Variants in DENND5B observed in about 807,000 individuals in gnomAD.
DENND5B encodes the protein DENN domain-containing protein 5B.
In DENND5B, 34 loss-of-function variants were observed where a neutral mutation model predicts 140.6. The observed-to-expected ratio is 0.24, with a 90% confidence interval of 0.18 to 0.32. The LOEUF (loss-of-function observed/expected upper bound fraction) is 0.32, where lower values mean the gene tolerates loss of function less well. Ranked by LOEUF, DENND5B falls within the 10% of genes least tolerant of loss-of-function variation. The probability of loss-of-function intolerance (pLI) is 1.00; values close to 1 mark genes in which losing one functional copy is unlikely to be tolerated. For synonymous variants in DENND5B, 551 were observed against 562.1 expected, an observed-to-expected ratio of 0.98 and a Z score of 0.28; for missense variants, 1,142 against 1,560.2, an observed-to-expected ratio of 0.73 and a Z score of 4.52.
Position 31,387,623 on chromosome 12 carries a change from T to C in DENND5B, c.3805A>G (p.Ile1269Val). 1 of 1,613,922 alleles carries C rather than the reference T, an allele frequency of 6.2e-7. No homozygotes were observed. Among genetic ancestry groups the C allele is most frequent in the Admixed American group, 1.7e-5 (1 of 60,014 alleles). The change falls in exon 21 of 21, where the codon ATC becomes GTC. Residue 1269 changes from isoleucine to valine, a missense_variant. Coordinates refer to ENST00000389082, the MANE Select transcript of DENND5B (RefSeq NM_144973.4). ...TTGGGTTACACATCCACTCCTTTGA[T>C]GAGTGATCCTTCTAGGACTATGGTG... ...DFTIVLEGSL[I>V]KGVDV
intron 1 of DENND5B, among the ~76,000 whole-genome samples, chr12:31,556,841 TAAAAA>T (rs1949303327): frequency 6.6e-6 from 1 of 151,902 alleles, no homozygotes; most frequent in African/African-American, 2.4e-5. Flanking sequence ...GCAATATGAT[TAAAAA>T]AAAGAAATAT....
chr12:31,440,112 T>C (rs1448783504), intron 7 of DENND5B, among the ~76,000 whole-genome samples: 2 of 152,158 alleles, frequency 1.3e-5, no homozygotes, highest in East Asian at 3.8e-4. Context: ...AAAAATAGAA[T>C]ATTGTATCTA....
At chr12:31,568,051 A>G (rs1293006360) in intron 1 of DENND5B, among the ~76,000 whole-genome samples, 2 of 152,170 alleles carry the variant, frequency 1.3e-5, no homozygotes, top group African/African-American at 4.8e-5. Flanking sequence ...GCATTCAACA[A>G]GTAGAGAATA....
chr12:31,586,004 A>G (rs1338491540), intron 1 of DENND5B, among the ~76,000 whole-genome samples: 1 of 152,222 alleles, frequency 6.6e-6, no homozygotes, highest in Non-Finnish European at 1.5e-5. Flanking sequence ...TGTACTGTAT[A>G]TAAGGTACTA....
chr12:31,442,355 C>T (rs1465177139), intron 7 of DENND5B, among the ~76,000 whole-genome samples: 1 of 152,154 alleles, frequency 6.6e-6, no homozygotes, highest in Non-Finnish European at 1.5e-5. Context: ...CAAATTTCTA[C>T]CCCCCAAAAC....
At chr12:31,495,769 A>C in intron 2 of DENND5B, 41 bp downstream of exon 2, 1 of 1,427,730 alleles carries the variant, frequency 7.0e-7, no homozygotes, top group African/African-American at 1.4e-5. Flanking sequence ...ATAAAGTGAA[A>C]ACAAGGCTAA....
intron 1 of DENND5B, among the ~76,000 whole-genome samples, chr12:31,587,146 C>T (rs1950423042): frequency 6.6e-6 from 1 of 152,168 alleles, no homozygotes. Flanking sequence ...TCTATCTATA[C>T]TCAACCCTTA....
intron 11 of DENND5B, among the ~76,000 whole-genome samples, chr12:31,421,334 C>T (rs1289318354): frequency 2.0e-5 from 3 of 152,034 alleles, no homozygotes; most frequent in Non-Finnish European, 4.4e-5. Context: ...CATGAGCCAC[C>T]GTGCCCAGCC....
intron 1 of DENND5B, among the ~76,000 whole-genome samples, chr12:31,530,194 G>A (rs1216676214): frequency 2.0e-5 from 3 of 152,098 alleles, no homozygotes; most frequent in Non-Finnish European, 4.4e-5. Flanking sequence ...CCAACATGGT[G>A]AAACCCTGTC....
intron 13 of DENND5B, among the ~76,000 whole-genome samples, chr12:31,412,257 G>A (rs1347886936): frequency 6.6e-6 from 1 of 151,840 alleles, no homozygotes; most frequent in Non-Finnish European, 1.5e-5. Flanking sequence ...CTCGAAGAGG[G>A]TTTCTTGATA....
intron 1 of DENND5B, among the ~76,000 whole-genome samples, chr12:31,530,401 G>A (rs12811775): frequency 6.6e-6 from 1 of 151,982 alleles, no homozygotes; most frequent in Non-Finnish European, 1.5e-5. Context: ...AACAATATAT[G>A]AATCAGTTTC....
chr12:31,570,281 T>C (rs1167643850), intron 1 of DENND5B, among the ~76,000 whole-genome samples: 2 of 151,278 alleles, frequency 1.3e-5, no homozygotes, highest in Admixed American at 6.6e-5. Flanking sequence ...CTCTCTCTTT[T>C]TTTTTTTTTT....
chr12:31,426,450 T>C lies in DENND5B; in HGVS notation c.2107-26A>G, dbSNP rs752735031. 19 of 1,597,044 alleles carry C rather than the reference T, an allele frequency of 1.2e-5. No homozygotes were observed. In the East Asian group the frequency reaches 3.6e-4, roughly 30 times the overall value. On this transcript the variant is annotated intron_variant, in intron 8 of 20. Coordinates refer to ENST00000389082, the MANE Select transcript of DENND5B (RefSeq NM_144973.4). ...CTAAAAAATCAAGGAGTATTTTTAATGCGTAAACATTAGCTATTCTTCTAA... is the reference window on the plus strand; with the variant it reads ...CTAAAAAATCAAGGAGTATTTTTAACGCGTAAACATTAGCTATTCTTCTAA...
intron 1 of DENND5B, among the ~76,000 whole-genome samples, chr12:31,546,551 G>A (rs753472362): frequency 2.8e-4 from 42 of 152,206 alleles, no homozygotes; most frequent in Non-Finnish European, 3.2e-4. Context: ...GCCAGGCATG[G>A]TGGTACGCGC....
chr12:31,500,988 C>T (rs757789794), intron 1 of DENND5B, among the ~76,000 whole-genome samples: 15 of 152,086 alleles, frequency 9.9e-5, no homozygotes, highest in Non-Finnish European at 2.2e-4. Flanking sequence ...TCAAGGACAA[C>T]AAAAACAATG....
chr12:31,421,171 G>A (rs1943003316), intron 11 of DENND5B, among the ~76,000 whole-genome samples: 1 of 152,008 alleles, frequency 6.6e-6, no homozygotes, highest in Admixed American at 6.6e-5. Context: ...ACCCTCCTGA[G>A]TAGCTGGGAT....
intron 1 of DENND5B, among the ~76,000 whole-genome samples, chr12:31,509,651 T>C (rs1458630749): frequency 2.6e-5 from 4 of 152,114 alleles, no homozygotes; most frequent in African/African-American, 9.7e-5. Context: ...GTGAACAAAA[T>C]ATCCAAAATA....
chr12:31,450,612 C>T (rs755615343), intron 5 of DENND5B, among the ~76,000 whole-genome samples: 2 of 152,156 alleles, frequency 1.3e-5, no homozygotes, highest in Non-Finnish European at 2.9e-5. Context: ...CAGCCTCAAC[C>T]TCCTAGTGTT....
intron 1 of DENND5B, among the ~76,000 whole-genome samples, chr12:31,540,672 CA>C (rs1190833043): frequency 8.5e-5 from 12 of 141,080 alleles, no homozygotes; most frequent in East Asian, 2.1e-4. Context: ...ACCCCCCCAC[CA>C]AAAAAAAAAG....
Sources: allele counts gnomAD v4.1 joint callset (sites outside exome capture counted in the v4.1 genomes callset), GRCh38; gene constraint gnomAD v4.1.1; transcripts MANE v1.5; gene names NCBI Gene and HGNC (gene_info 2026-07-23, HGNC 2026-07-21).